The following TPST1 variants were observed in gnomAD, a reference collection of about 807,000 sequenced individuals.
TPST1 encodes the protein tyrosylprotein sulfotransferase 1.
TPST1 carries 20 observed loss-of-function variants against 34.8 expected under a neutral mutation model. The observed-to-expected ratio is 0.57, with a 90% CI of 0.40 to 0.84. The LOEUF is 0.84. Among genes scored for constraint, TPST1 ranks in the 40% least tolerant of loss-of-function variants. TPST1 has a pLI of 0.00. For missense variants in TPST1, 353 were observed against 455.5 expected (o/e 0.78, Z 2.05); for synonymous variants, 152 against 159.4 (o/e 0.95, Z 0.35).
intron 3 of TPST1, among the ~76,000 whole-genome samples, chr7:66,349,388 T>C (rs1046250070): frequency 6.6e-6 from 1 of 152,084 alleles, no homozygotes; most frequent in Non-Finnish European, 1.5e-5. Context: ...CTGACCAACA[T>C]GGAGAAACCC....
intron 1 of TPST1, among the ~76,000 whole-genome samples, chr7:66,227,222 G>A (rs1212814985): frequency 3.3e-5 from 5 of 151,168 alleles, no homozygotes; most frequent in Admixed American, 1.3e-4. Context: ...TAGTAGAGAC[G>A]GGGTTTCACC....
At chr7:66,228,705 A>G (rs1247416120) in intron 1 of TPST1, among the ~76,000 whole-genome samples, 2 of 152,214 alleles carry the variant, frequency 1.3e-5, no homozygotes, top group Non-Finnish European at 1.5e-5. Context: ...GATGGAAAAT[A>G]CAAGACTTTT....
At chr7:66,204,718 G>C (rs2116172376), upstream of TPST1, among the ~76,000 whole-genome samples, 1 of 152,248 alleles carries the variant, frequency 6.6e-6, no homozygotes, top group South Asian at 2.1e-4. Context: ...TTTCTCCCTA[G>C]TTTTCATTTC....
intron 3 of TPST1, among the ~76,000 whole-genome samples, chr7:66,324,692 G>A (rs1055885564): frequency 1.3e-5 from 2 of 151,374 alleles, no homozygotes; most frequent in African/African-American, 2.4e-5. Context: ...CCAGCTACTC[G>A]GGAGGCTGAG....
chr7:66,199,294 C>CTTTTTTT, the TPST1 span, among the ~76,000 whole-genome samples: 54 of 125,844 alleles, frequency 4.3e-4, 2 homozygotes, highest in African/African-American at 1.5e-3. Flanking sequence ...TCATCTCCTT[C>CTTTTTTT]TTTTTTTTTT....
chr7:66,338,429 A>G (rs1045026270), intron 3 of TPST1, among the ~76,000 whole-genome samples: 9 of 152,208 alleles, frequency 5.9e-5, no homozygotes, highest in Admixed American at 5.9e-4. Context: ...ATCCAGACAG[A>G]AAAGAAACAA....
At chr7:66,236,927 C>A (rs1190208265) in intron 1 of TPST1, among the ~76,000 whole-genome samples, 3 of 152,134 alleles carry the variant, frequency 2.0e-5, no homozygotes, top group East Asian at 1.9e-4. Context: ...ACATCTTGAG[C>A]CAGTAAGGCA....
At chr7:66,258,412 T>C (rs976855405) in intron 2 of TPST1, among the ~76,000 whole-genome samples, 9 of 152,242 alleles carry the variant, frequency 5.9e-5, no homozygotes, top group Admixed American at 3.9e-4. Context: ...CTTTGGGTCT[T>C]TCCTATCCAC....
chr7:66,213,798 A>G (rs184918243), intron 1 of TPST1, among the ~76,000 whole-genome samples: 1 of 151,860 alleles, frequency 6.6e-6, no homozygotes, highest in Non-Finnish European at 1.5e-5. Flanking sequence ...AGATCATTCC[A>G]ACATCTGATT....
intron 3 of TPST1, among the ~76,000 whole-genome samples, chr7:66,349,060 G>A (rs1401426617): frequency 6.6e-6 from 1 of 152,154 alleles, no homozygotes; most frequent in African/African-American, 2.4e-5. Context: ...AAGCCAAAAA[G>A]AGGAAGAAAG....
rs111302045 is a variant in TPST1, at chr7:66,348,142, C to T, written c.1045-4363C>T. 1.1e-4 allele frequency among the ~76,000 whole-genome samples: 17 copies of T among 152,144 alleles called. 1 individual carries two copies. The highest frequency in any genetic ancestry group is 3.9e-4 in the African/African-American group (16 of 41,516). On this transcript the variant is annotated intron_variant, in intron 3 of 5. Coordinates refer to ENST00000304842, the MANE Select transcript of TPST1 (RefSeq NM_003596.4). ...TCCCACATCCTATCTGTTAGGATAT[C>T]GAGATGTAATAAGAAAAAAAAAATT...
intron 3 of TPST1, among the ~76,000 whole-genome samples, chr7:66,308,661 C>T (rs1287395910): frequency 2.0e-5 from 3 of 152,188 alleles, no homozygotes; most frequent in African/African-American, 4.8e-5. Context: ...TTCATCCTTC[C>T]CTTGGGTTCA....
chr7:66,342,558 G>A (rs898972018), intron 3 of TPST1, among the ~76,000 whole-genome samples: 1 of 152,178 alleles, frequency 6.6e-6, no homozygotes, highest in Non-Finnish European at 1.5e-5. Flanking sequence ...AATTTATAAA[G>A]AAGAGGGGTT....
chr7:66,225,876 GTTTTGTTTTTGT>G lies in TPST1; in HGVS notation c.-101-14431_-101-14420del, dbSNP rs368227012. 4.5e-4 allele frequency among the ~76,000 whole-genome samples: 69 copies of G among 152,158 alleles called. No homozygotes were observed. The East Asian group carries it at 4.6e-3, about 10-fold the overall frequency. On this transcript the variant is annotated intron_variant, in intron 1 of 5. Coordinates refer to ENST00000304842, the MANE Select transcript of TPST1 (RefSeq NM_003596.4). ...TACTTCCCAGTTTGGTTAGGTACCT[GTTTTGTTTTTGT>G]TTTTGTTTTTGTTTTTGAGACGGAG...
At chr7:66,315,199 G>T (rs142782283) in intron 3 of TPST1, among the ~76,000 whole-genome samples, 1 of 152,226 alleles carries the variant, frequency 6.6e-6, no homozygotes, top group Non-Finnish European at 1.5e-5. Flanking sequence ...CACAGTAAGG[G>T]AATCAACAAG....
At chr7:66,206,213 C>T (rs935619235) in intron 1 of TPST1, among the ~76,000 whole-genome samples, 8 of 151,608 alleles carry the variant, frequency 5.3e-5, no homozygotes, top group Non-Finnish European at 1.2e-4. Context: ...TCTGCCTCGG[C>T]CTCCAAAGTG....
upstream of TPST1, among the ~76,000 whole-genome samples, chr7:66,204,582 T>C (rs1192136802): frequency 6.6e-6 from 1 of 152,250 alleles, no homozygotes; most frequent in Non-Finnish European, 1.5e-5. Context: ...TCCATGTCAC[T>C]GGAGTAGAAA....
At chr7:66,313,485 A>G (rs1245930832) in intron 3 of TPST1, among the ~76,000 whole-genome samples, 1 of 152,116 alleles carries the variant, frequency 6.6e-6, no homozygotes, top group Non-Finnish European at 1.5e-5. Flanking sequence ...GCAAATACTA[A>G]ATGTTGGAAA....
intron 3 of TPST1, among the ~76,000 whole-genome samples, chr7:66,318,682 G>T (rs1212574087): frequency 2.0e-5 from 3 of 152,094 alleles, no homozygotes; most frequent in African/African-American, 4.8e-5. Context: ...GCCCAGGCTG[G>T]TCTCGATCTC....
Sources: gnomAD v4.1 joint callset for allele counts (sites outside exome capture counted in the v4.1 genomes callset) on GRCh38, gnomAD v4.1.1 for gene constraint, MANE v1.5 for transcripts, NCBI Gene and HGNC (gene_info 2026-07-23, HGNC 2026-07-21) for gene names.